TBXAS1: variants seen among roughly 807,000 people sequenced by gnomAD.
The protein encoded by TBXAS1 is thromboxane A synthase 1.
TBXAS1 carries 48 observed loss-of-function variants against 60.7 expected under a neutral mutation model. The observed-to-expected ratio is 0.79, with a 90% CI of 0.63 to 1.01. The LOEUF (loss-of-function observed/expected upper bound fraction) is 1.01, where lower values mean the gene tolerates loss of function less well. TBXAS1 is among the 50% of genes least tolerant of loss of function. The probability of loss-of-function intolerance (pLI) is 0.00; values close to 1 mark genes in which losing one functional copy is unlikely to be tolerated. For synonymous variants in TBXAS1, 287 were observed against 269.7 expected (o/e 1.06, Z -0.63); for missense variants, 685 against 686.3 (o/e 1.00, Z 0.02).
intron 9 of TBXAS1, among the ~76,000 whole-genome samples, chr7:139,971,249 C>G (rs1249720877): frequency 6.6e-6 from 1 of 152,140 alleles, no homozygotes; most frequent in Non-Finnish European, 1.5e-5. Flanking sequence ...ATCAGAAAGG[C>G]CCCTCCTCCC....
intron 3 of TBXAS1, among the ~76,000 whole-genome samples, chr7:139,904,529 C>T (rs1025771629): frequency 1.3e-5 from 2 of 152,160 alleles, no homozygotes; most frequent in Admixed American, 6.5e-5. Context: ...TTGTAGATTG[C>T]TTTTGGCAGT....
rs1016924749 is a variant in TBXAS1, at chr7:140,007,191, T to C, written c.1226+9T>C. On this transcript the variant is annotated intron_variant, in intron 10 of 12. Coordinates refer to ENST00000448866, the MANE Select transcript of TBXAS1 (RefSeq NM_001061.7). The stretch of plus-strand genomic sequence containing the variant: ...TACCCGCCAGCTTTCAGGTGTGTGG[T>C]AGCCCCCTCCCCTGCCCGAGTCCCC... 1.9e-6 allele frequency: 3 copies of C among 1,613,774 alleles called. No homozygotes were observed. The African/African-American group carries it at 4.0e-5, about 22-fold the overall frequency.
At chr7:139,934,708 C>G (rs1315613393) in intron 4 of TBXAS1, among the ~76,000 whole-genome samples, 1 of 152,200 alleles carries the variant, frequency 6.6e-6, no homozygotes, top group African/African-American at 2.4e-5. Flanking sequence ...CTCCCTATAT[C>G]CTCACATGGT....
intron 3 of TBXAS1, among the ~76,000 whole-genome samples, chr7:139,905,887 A>G (rs1171956038): frequency 1.3e-5 from 2 of 152,098 alleles, no homozygotes; most frequent in Non-Finnish European, 2.9e-5. Flanking sequence ...TTTATGGATT[A>G]TGTTTTAGTG....
chr7:139,903,366 T>C (rs1338868658), intron 3 of TBXAS1, among the ~76,000 whole-genome samples: 3 of 152,092 alleles, frequency 2.0e-5, no homozygotes, highest in Non-Finnish European at 4.4e-5. Flanking sequence ...TTGGGTTGGT[T>C]CCATGATTTT....
intron 4 of TBXAS1, among the ~76,000 whole-genome samples, chr7:139,932,620 ACTGT>A (rs1807425732): frequency 6.6e-6 from 1 of 152,152 alleles, no homozygotes; most frequent in African/African-American, 2.4e-5. Context: ...CCTAAGTACC[ACTGT>A]CTGATCTTCC....
upstream of TBXAS1, among the ~76,000 whole-genome samples, chr7:139,826,715 G>A (rs1006097078): frequency 7.2e-5 from 11 of 152,142 alleles, no homozygotes; most frequent in Non-Finnish European, 4.4e-5. Context: ...GATTAAATGA[G>A]TTGACACATA....
At chr7:139,971,781 C>T (rs1453112637) in intron 9 of TBXAS1, among the ~76,000 whole-genome samples, 1 of 152,216 alleles carries the variant, frequency 6.6e-6, no homozygotes, top group Non-Finnish European at 1.5e-5. Context: ...CTCTCCCTCT[C>T]ATCCTGCCCC....
At chr7:139,957,815 G>A in intron 8 of TBXAS1, 51 bp downstream of exon 8, 1 of 1,612,096 alleles carries the variant, frequency 6.2e-7, no homozygotes. Flanking sequence ...AGCCGACTTT[G>A]GCATCACTGT....
intron 1 of TBXAS1, among the ~76,000 whole-genome samples, chr7:139,865,052 C>G (rs1407055059): frequency 6.6e-6 from 1 of 152,166 alleles, no homozygotes; most frequent in Non-Finnish European, 1.5e-5. Flanking sequence ...TAGGGCATAG[C>G]CTAGTTACTA....
intron 2 of TBXAS1, among the ~76,000 whole-genome samples, chr7:139,873,353 A>G (rs768468949): frequency 2.0e-5 from 3 of 152,220 alleles, no homozygotes; most frequent in Admixed American, 6.5e-5. Flanking sequence ...GGACAGGGAC[A>G]TTGAAATGGA....
intron 3 of TBXAS1, among the ~76,000 whole-genome samples, chr7:139,881,753 C>T (rs1009550714): frequency 2.0e-5 from 3 of 152,076 alleles, no homozygotes; most frequent in African/African-American, 7.2e-5. Context: ...ATCAATTTAG[C>T]AAATAAATAA....
At chr7:139,944,240 G>A (rs923552064) in intron 5 of TBXAS1, among the ~76,000 whole-genome samples, 1 of 152,204 alleles carries the variant, frequency 6.6e-6, no homozygotes, top group African/African-American at 2.4e-5. Context: ...TTGACAGAGG[G>A]AGAAGGTGCA....
At chr7:139,781,220 A>G (rs948047912) in intron 2 of TBXAS1, among the ~76,000 whole-genome samples, 4 of 152,216 alleles carry the variant, frequency 2.6e-5, no homozygotes, top group African/African-American at 9.6e-5. Flanking sequence ...TATTCTTGAA[A>G]TGAGCTTAGA....
At chr7:139,813,074 T>TAAATAAAATA (rs56001115) in intron 4 of TBXAS1, among the ~76,000 whole-genome samples, 174 of 143,026 alleles carry the variant, frequency 1.2e-3, no homozygotes, top group African/African-American at 3.9e-3. Context: ...TAAAATAAAA[T>TAAATAAAATA]AAATAAAATA....
chr7:139,808,598 G>A (rs138427519), intron 4 of TBXAS1, among the ~76,000 whole-genome samples: 25 of 152,234 alleles, frequency 1.6e-4, no homozygotes, highest in Non-Finnish European at 3.2e-4. Flanking sequence ...TAGCTCCAGC[G>A]TGCTCCTGGC....
In TBXAS1 at chr7:139,986,722, C is replaced by CATAT. The variant is rs1430609067; in HGVS notation, c.1135-20355_1135-20352dup. On this transcript the variant is annotated intron_variant, in intron 9 of 12. Coordinates refer to ENST00000448866, the MANE Select transcript of TBXAS1 (RefSeq NM_001061.7). Reference sequence around the variant, plus strand: ...TTTTTATGGCTGAGTAGTATTCCATCATATATATATATATATACATACATA... The same window carrying CATAT: ...TTTTTATGGCTGAGTAGTATTCCATCATATATATATATATATATATACATACATA... Among the ~76,000 whole-genome samples, 137 of 64,868 alleles carry CATAT rather than the reference C, an allele frequency of 2.1e-3. 1 individual carries two copies. Among genetic ancestry groups the CATAT allele is most frequent in the South Asian group, 3.0e-3 (6 of 2,010 alleles). 42.6% of individuals were successfully genotyped at this position (64,868 alleles called of 152,430 possible). A position where few individuals can be genotyped will look rare whatever the true frequency, so the allele number is the denominator to read the frequency against.
chr7:139,852,677 G>A lies in TBXAS1; in HGVS notation c.90-19558G>A. 6.6e-6 allele frequency among the ~76,000 whole-genome samples: 1 copy of A among 152,056 alleles called. No individual in the cohort carries two copies. Among genetic ancestry groups the A allele is most frequent in the East Asian group, 1.9e-4 (1 of 5,200 alleles). On this transcript the variant is annotated intron_variant, in intron 1 of 12. Transcript: ENST00000448866. The surrounding 1 kb of genome is among the most constrained non-coding windows in gnomAD (Gnocchi z 4.4). ...TTGAAACTCTTAACAATATTCTTTT[G>A]TTACTTTGAGTTACCCAAGCTCTTT... is the stretch of plus-strand genomic sequence containing the variant.
chr7:139,899,976 G>C (rs1420836170), intron 3 of TBXAS1, among the ~76,000 whole-genome samples: 1 of 152,158 alleles, frequency 6.6e-6, no homozygotes, highest in South Asian at 2.1e-4. Flanking sequence ...CTGAAAAGTG[G>C]ATAAAATAAT....
Sources: gnomAD v4.1 joint callset for allele counts (sites outside exome capture counted in the v4.1 genomes callset) on GRCh38, gnomAD v4.1.1 for gene constraint, Gnocchi (gnomAD v3.1) non-coding constraint, MANE v1.5 for transcripts, NCBI Gene and HGNC (gene_info 2026-07-23, HGNC 2026-07-21) for gene names.